The following VSIG2 variants were observed in gnomAD, a reference collection of about 807,000 sequenced individuals.
The protein encoded by VSIG2 is V-set and immunoglobulin domain containing 2, also known as V-set and immunoglobulin domain-containing protein 2.
A neutral mutation model predicts 29.4 loss-of-function variants in VSIG2; 30 were observed. The ratio of observed to expected loss-of-function variants is 1.02; its 90% CI spans 0.76 to 1.38. The LOEUF is 1.38. Ranked by LOEUF, VSIG2 falls within the 40% of genes most tolerant of loss-of-function variation. The probability of loss-of-function intolerance (pLI) is 0.00; values close to 1 mark genes in which losing one functional copy is unlikely to be tolerated. For synonymous variants in VSIG2, 178 were observed against 174.2 expected (o/e 1.02, Z -0.17); for missense variants, 421 against 400.8 (o/e 1.05, Z -0.43).
At position 124,749,883 on chromosome 11, in the gene VSIG2, A is replaced by AAAC. The variant is rs1944063461; in HGVS notation, c.428-18_428-17insGTT. The AAAC allele has an allele frequency of 3.3e-6, 5 of 1,513,308 alleles. No individual in the cohort carries two copies. Among genetic ancestry groups the AAAC allele is most frequent in the African/African-American group, 1.5e-5 (1 of 67,530 alleles). The allele number at this position is 1,513,308 out of a possible 1,614,324, so 93.7% of individuals were successfully genotyped here. On this transcript the variant is annotated splice_polypyrimidine_tract_variant and intron_variant, in intron 3 of 6. Transcript: ENST00000326621. ...TGGGGGGAACTGCAAAAAAAAAAAA[A>AAAC]AAAAAAAAAAAACAGAAAGTTCCTC...
At chr11:124,751,996 G>T (rs1197879313) in intron 1 of VSIG2, 81 bp downstream of exon 1, 5 of 1,436,838 alleles carry the variant, frequency 3.5e-6, no homozygotes, top group African/African-American at 1.5e-5. Flanking sequence ...GCCTGGCGGG[G>T]ACAGAGTGGG....
chr11:124,751,419 T>A lies in VSIG2; in HGVS notation c.219+4A>T. 4 of 1,611,318 alleles carry A rather than the reference T, an allele frequency of 2.5e-6. No individual in the cohort carries two copies. In the South Asian group the frequency reaches 4.4e-5, roughly 18 times the overall value. ...CCAGCTTCATGCAGTCGCTCTCAGC[T>A]CACTGGATGGGACTCAGAGATGGGT... On this transcript the variant is annotated splice_donor_region_variant and intron_variant, in intron 2 of 6. Transcript: ENST00000326621.
At chr11:124,749,999 C>T (rs1944066956) in intron 3 of VSIG2, 133 bp from the exon 4 acceptor site, 1 of 995,174 alleles carries the variant, frequency 1.0e-6, no homozygotes. Context: ...TGGGTCCACA[C>T]ACCACTGCAT....
At chr11:124,747,784 G>A (rs886162011) in intron 6 of VSIG2, 117 bp from the exon 7 acceptor site, 2 of 1,185,884 alleles carry the variant, frequency 1.7e-6, no homozygotes, top group Non-Finnish European at 1.2e-6. Flanking sequence ...GCGGAACTTT[G>A]GTTAAAATGA....
rs766239341 is a variant in VSIG2 at position 124,748,627 on chromosome 11, C to T, written c.706+17G>A. ...CAACACAAGGCTGCTGGCCTGGCCT[C>T]CACCCAGCATCCCTACCGGTCACAG... On this transcript the variant is annotated intron_variant, in intron 5 of 6. Transcript: ENST00000326621. The T allele has an allele frequency of 1.2e-5, 19 of 1,609,978 alleles. No individual in the cohort carries two copies. The highest frequency in any genetic ancestry group is 8.4e-5 in the Admixed American group (5 of 59,788).
At chr11:124,749,304 G>T (rs979266012) in intron 4 of VSIG2, among the ~76,000 whole-genome samples, 7 of 152,086 alleles carry the variant, frequency 4.6e-5, no homozygotes, top group African/African-American at 1.7e-4. Flanking sequence ...AGAAACTAAG[G>T]CTCCTCCAAA....
rs759630510 is a variant in VSIG2 at position 124,751,519 on chromosome 11, G to A, written c.123C>T (p.Ala41=). 1.5e-5 allele frequency: 24 copies of A among 1,612,440 alleles called. No individual in the cohort carries two copies. The highest frequency in any genetic ancestry group is 3.3e-4 in the Middle Eastern group (2 of 6,076). The change falls in exon 2 of 7, where the codon GCC becomes GCT. Residue 41 remains alanine, a synonymous_variant. Coordinates refer to ENST00000326621, the MANE Select transcript of VSIG2 (RefSeq NM_014312.5). ...ACGTGCTGTAGGTGCAGGTCAGCTC[G>A]GCTGTCTTCCCCAGGGGCGTGCTCA... The part of the protein sequence containing the change: ...EPLSTPLGKT[A]ELTCTYSTSV...
chr11:124,748,762 A>C lies in VSIG2; in HGVS notation c.588T>G (p.Asp196Glu), dbSNP rs763342951. The change falls in exon 5 of 7, where the codon GAT becomes GAG. Residue 196 changes from aspartate (D) to glutamate (E), a missense_variant and splice_region_variant. Asp to Glu is a conservative substitution (Grantham distance 45, BLOSUM62 2). Coordinates refer to ENST00000326621, the MANE Select transcript of VSIG2 (RefSeq NM_014312.5). ...PTPSPGSMVQDEVSGQLILTN... is the reference protein window; with the variant it reads ...PTPSPGSMVQEEVSGQLILTN... ...TGAGAATGAGCTGGCCAGACACCTC[A>C]TCTAGAGGATGAAGAGGAAGTGTTC... 3 of 1,614,184 alleles carry C rather than the reference A, an allele frequency of 1.9e-6. No individual in the cohort carries two copies. The highest frequency in any genetic ancestry group is 1.7e-5 in the Admixed American group (1 of 60,034).
chr11:124,751,293 T>C (rs1321426684), intron 2 of VSIG2, 130 bp downstream of exon 2: 2 of 1,138,092 alleles, frequency 1.8e-6, no homozygotes, highest in African/African-American at 3.1e-5. Context: ...TGAAAAGATC[T>C]AGGGAGAGCC....
chr11:124,748,567 C>G (rs200188945), intron 5 of VSIG2, 33 bp from the exon 6 acceptor site: 2 of 1,609,710 alleles, frequency 1.2e-6, no homozygotes, highest in African/African-American at 2.7e-5. Context: ...CTCAGAATTG[C>G]AGGCTTTCCT....
Position 124,749,884 on chromosome 11 carries a change from A to AAAAACAAAAAAAC in VSIG2, c.428-19_428-18insGTTTTTTTGTTTT, listed in dbSNP as rs1555108829. ...GGGGGGAACTGCAAAAAAAAAAAAA[A>AAAAACAAAAAAAC]AAAAAAAAAAACAGAAAGTTCCTCA... On this transcript the variant is annotated intron_variant, in intron 3 of 6. Transcript: ENST00000326621. The AAAAACAAAAAAAC allele has an allele frequency of 6.9e-7, 1 of 1,449,718 alleles. No homozygotes were observed. Among genetic ancestry groups the AAAAACAAAAAAAC allele is most frequent in the African/African-American group, 1.6e-5 (1 of 61,830 alleles). 89.8% of individuals were successfully genotyped at this position (1,449,718 alleles called of 1,614,324 possible).
At chr11:124,751,064 G>A in intron 2 of VSIG2, 143 bp from the exon 3 acceptor site, 7 of 832,656 alleles carry the variant, frequency 8.4e-6, no homozygotes, top group Admixed American at 2.7e-5. Flanking sequence ...AACTCCAAAG[G>A]TCTCTCTGTC....
chr11:124,749,664 GCCCAGGTCTCCAGTAC>G, intron 4 of VSIG2, 28 bp downstream of exon 4: 1 of 1,592,818 alleles, frequency 6.3e-7, no homozygotes, highest in Middle Eastern at 2.0e-4. Context: ...GACCAGATTT[GCCCAGGTCTCCAGTAC>G]CCTCTTCCTG....
At position 124,748,663 on chromosome 11, in the gene VSIG2, C is replaced by G. The variant is rs773000214; in HGVS notation, c.687G>C (p.Glu229Asp). 62 of 1,613,568 alleles carry G rather than the reference C, an allele frequency of 3.8e-5. No individual in the cohort carries two copies. The highest frequency in any genetic ancestry group is 1.6e-4 in the Middle Eastern group (1 of 6,084). ...CCCTACCGGTCACAGAGAGGGTCAG[C>G]TCACAGGATGCACTGCCCATCTGGT... ...ATNQMGSASC[E>D]LTLSVTEPSQ... The change falls in exon 5 of 7, where the codon GAG becomes GAC. Residue 229 changes from glutamate to aspartate, a missense_variant. Physicochemically the swap from Glu to Asp is conservative, Grantham distance 45 (BLOSUM62 2). Coordinates refer to ENST00000326621, the MANE Select transcript of VSIG2 (RefSeq NM_014312.5).
chr11:124,749,101 G>C (rs115866887), intron 4 of VSIG2, among the ~76,000 whole-genome samples: 2 of 152,184 alleles, frequency 1.3e-5, no homozygotes, highest in African/African-American at 2.4e-5. Context: ...GGGGTAAAAG[G>C]CTTGATTGCT....
chr11:124,750,977 A>G (rs1173373052), intron 2 of VSIG2, 56 bp from the exon 3 acceptor site: 2 of 1,577,214 alleles, frequency 1.3e-6, no homozygotes, highest in East Asian at 4.5e-5. Flanking sequence ...CATCAACTCT[A>G]CAGTCCTTCC....
At position 124,749,735 on chromosome 11, in the gene VSIG2, T is replaced by C. The variant is rs769801039; in HGVS notation, c.559A>G (p.Thr187Ala). 4 of 1,613,460 alleles carry C rather than the reference T, an allele frequency of 2.5e-6. No homozygotes were observed. The South Asian group carries it at 3.3e-5, about 13-fold the overall frequency. Residue 187 changes from threonine (T) to alanine (A), a missense_variant, in exon 4 of 7, where the codon ACA (threonine) becomes GCA (alanine). By Grantham distance (58) the Thr-to-Ala change is moderately conservative (BLOSUM62 0). Transcript: ENST00000326621. Reference sequence around the variant, plus strand: ...TGAACCATGCTGCCAGGAGAAGGTGTAGGAAAAGTTCCAAGACGCACCCAG... The same window carrying C: ...TGAACCATGCTGCCAGGAGAAGGTGCAGGAAAAGTTCCAAGACGCACCCAG... Reference protein sequence around the residue: ...YNWVRLGTFPTPSPGSMVQDE... With the variant: ...YNWVRLGTFPAPSPGSMVQDE...
rs1555108853 is a variant in VSIG2, at chr11:124,749,885, A to AAAAACAAAAAAAAAC, written c.428-20_428-19insGTTTTTTTTTGTTTT. ...GGGGGAACTGCAAAAAAAAAAAAAA[A>AAAAACAAAAAAAAAC]AAAAAAAAAACAGAAAGTTCCTCAG... On this transcript the variant is annotated intron_variant, in intron 3 of 6. Transcript: ENST00000326621. The AAAAACAAAAAAAAAC allele has an allele frequency of 9.4e-5, 134 of 1,419,080 alleles. No homozygotes were observed. In the African/African-American group the frequency reaches 2.1e-3, roughly 23 times the overall value. 87.9% of individuals were successfully genotyped at this position (1,419,080 alleles called of 1,614,324 possible). A position where few individuals can be genotyped will look rare whatever the true frequency, so the allele number is the denominator to read the frequency against.
chr11:124,749,647 A>G, intron 4 of VSIG2, 61 bp downstream of exon 4: 1 of 1,578,122 alleles, frequency 6.3e-7, no homozygotes, highest in South Asian at 1.2e-5. Flanking sequence ...GGTGTGTGGG[A>G]TTTAGAGACC....
Sources: allele counts gnomAD v4.1 joint callset (sites outside exome capture counted in the v4.1 genomes callset), GRCh38; gene constraint gnomAD v4.1.1; transcripts MANE v1.5; gene names NCBI Gene and HGNC (gene_info 2026-07-23, HGNC 2026-07-21).